CRHR1: variants seen among roughly 807,000 people sequenced by gnomAD.
CRHR1 encodes corticotropin releasing hormone receptor 1, also known as corticotropin-releasing hormone receptor 1.
CRHR1 carries 28 observed loss-of-function variants against 56.0 expected under a neutral mutation model. The observed-to-expected ratio is 0.50, with a 90% CI of 0.37 to 0.69. The LOEUF (loss-of-function observed/expected upper bound fraction) is 0.69. CRHR1 is among the 30% of genes least tolerant of loss of function. The pLI is 0.00. For synonymous variants in CRHR1, 195 were observed against 216.5 expected (o/e 0.90, Z 0.87); for missense variants, 376 against 548.0 (o/e 0.69, Z 3.13).
At chr17:45,829,814 G>A (rs1466994594) in intron 5 of CRHR1, among the ~76,000 whole-genome samples, 3 of 152,064 alleles carry the variant, frequency 2.0e-5, no homozygotes, top group Non-Finnish European at 4.4e-5. Context: ...CAGGGGAAGC[G>A]GGCATCGCCA....
intron 4 of CRHR1, among the ~76,000 whole-genome samples, chr17:45,823,806 T>C (rs898512041): frequency 7.2e-5 from 11 of 152,238 alleles, no homozygotes; most frequent in African/African-American, 2.7e-4. Context: ...ACTGAGCTAA[T>C]GCGGGGCTCT....
At chr17:45,814,737 A>G (rs1223838164) in intron 2 of CRHR1, among the ~76,000 whole-genome samples, 1 of 150,580 alleles carries the variant, frequency 6.6e-6, no homozygotes, top group Non-Finnish European at 1.5e-5. Flanking sequence ...CTGCTTCCTC[A>G]CTCCACTGCT....
chr17:45,791,852 T>TCTCTCTCTCTCA (rs60388646), intron 1 of CRHR1, among the ~76,000 whole-genome samples: 11 of 121,028 alleles, frequency 9.1e-5, no homozygotes, highest in Non-Finnish European at 1.7e-4. Flanking sequence ...TCTCTCTCTC[T>TCTCTCTCTCTCA]CACACACACA....
chr17:45,813,649 G>A (rs1156579681), intron 2 of CRHR1, among the ~76,000 whole-genome samples: 2 of 152,234 alleles, frequency 1.3e-5, no homozygotes, highest in Non-Finnish European at 2.9e-5. Context: ...CAGCTGTGCA[G>A]CTGTGGGCAG....
chr17:45,784,619 G>T lies in CRHR1; in HGVS notation c.33+42G>T, dbSNP rs1568022470. On this transcript the variant is annotated intron_variant, in intron 1 of 12. Transcript: ENST00000314537. This position sits in a 1 kb window ranked among gnomAD's most constrained non-coding sequence, Gnocchi z 4.2. Reference sequence around the variant, plus strand: ...CATCCCTCGAGCGCTGGCGCCCCCGGCCCCTGGCGGACGCGGGACGGGGCT... The same window carrying T: ...CATCCCTCGAGCGCTGGCGCCCCCGTCCCCTGGCGGACGCGGGACGGGGCT... 4 of 1,528,362 alleles carry T rather than the reference G, an allele frequency of 2.6e-6. No homozygotes were observed. The South Asian group carries it at 3.7e-5, about 14-fold the overall frequency. The allele number at this position is 1,528,362 out of a possible 1,614,324, so 94.7% of individuals were successfully genotyped here.
intron 3 of CRHR1, among the ~76,000 whole-genome samples, chr17:45,819,901 C>T (rs1187985654): frequency 6.6e-6 from 1 of 152,226 alleles, no homozygotes; most frequent in Non-Finnish European, 1.5e-5. Flanking sequence ...CCTATCATCA[C>T]CTTCTTGTCC....
chr17:45,833,080 C>T (rs1220743772), intron 8 of CRHR1, 58 bp from the exon 9 acceptor site: 1 of 1,459,638 alleles, frequency 6.9e-7, no homozygotes, highest in Admixed American at 1.7e-5. Context: ...TGTCCCTCCC[C>T]ATGCCATCGA....
chr17:45,825,253 G>A (rs185294906), intron 4 of CRHR1, among the ~76,000 whole-genome samples: 46 of 152,286 alleles, frequency 3.0e-4, no homozygotes, highest in Admixed American at 1.6e-3. Flanking sequence ...AGATCTGCCC[G>A]CAGCCAGCAC....
chr17:45,824,531 T>C (rs1284917465), intron 4 of CRHR1, among the ~76,000 whole-genome samples: 3 of 152,102 alleles, frequency 2.0e-5, no homozygotes, highest in Non-Finnish European at 4.4e-5. Context: ...CTAAGGGCAG[T>C]AGGTTAGCCA....
intron 4 of CRHR1, among the ~76,000 whole-genome samples, chr17:45,822,963 G>A (rs1469434599): frequency 6.6e-6 from 1 of 151,844 alleles, no homozygotes; most frequent in Non-Finnish European, 1.5e-5. Context: ...GGCCAACATG[G>A]TGAAACCTCA....
chr17:45,833,112 C>G, intron 8 of CRHR1, 26 bp from the exon 9 acceptor site: 1 of 1,600,372 alleles, frequency 6.2e-7, no homozygotes, highest in Non-Finnish European at 8.6e-7. Flanking sequence ...ATGACCCTTC[C>G]TCCCCTTTCC....
At chr17:45,787,299 GAGCACCTCGGAGTC>G (rs905901264) in intron 1 of CRHR1, among the ~76,000 whole-genome samples, 8 of 152,106 alleles carry the variant, frequency 5.3e-5, no homozygotes, top group African/African-American at 1.9e-4. Flanking sequence ...GCAGGGGCCT[GAGCACCTCGGAGTC>G]AGCCACACAC....
At chr17:45,785,941 C>T (rs1471362533) in intron 1 of CRHR1, among the ~76,000 whole-genome samples, 3 of 152,024 alleles carry the variant, frequency 2.0e-5, no homozygotes, top group Non-Finnish European at 2.9e-5. Flanking sequence ...TCTGGGCGTT[C>T]GAGGAGACAG....
chr17:45,807,075 G>A lies in CRHR1; in HGVS notation c.99G>A (p.Leu33=), dbSNP rs752569982. Residue 33 remains leucine, a synonymous_variant, in exon 2 of 13, where the codon CTG becomes CTA. Transcript: ENST00000314537. ...TCCAGGACCAGCACTGCGAGAGCCTGTCCCTGGCCAGCAACATCTCAGGTG... is the reference window on the plus strand; with the variant it reads ...TCCAGGACCAGCACTGCGAGAGCCTATCCCTGGCCAGCAACATCTCAGGTG... ...ASLQDQHCES[L]SLASNISGLQ... 1.2e-6 allele frequency: 2 copies of A among 1,614,086 alleles called. No homozygotes were observed. The highest frequency in any genetic ancestry group is 1.1e-5 in the South Asian group (1 of 91,060).
At chr17:45,834,326 G>A (rs1468115099) in intron 12 of CRHR1, among the ~76,000 whole-genome samples, 1 of 152,248 alleles carries the variant, frequency 6.6e-6, no homozygotes, top group Non-Finnish European at 1.5e-5. Context: ...GAAGGGCTGA[G>A]CCCTGGGCAG....
chr17:45,798,780 G>A (rs550809865), intron 1 of CRHR1, among the ~76,000 whole-genome samples: 56 of 152,270 alleles, frequency 3.7e-4, no homozygotes, highest in African/African-American at 1.3e-3. Flanking sequence ...GGGGCCCCAG[G>A]GAGAAAGGCC....
At chr17:45,815,399 C>T (rs1199485466) in intron 2 of CRHR1, among the ~76,000 whole-genome samples, 1 of 152,202 alleles carries the variant, frequency 6.6e-6, no homozygotes, top group Non-Finnish European at 1.5e-5. Context: ...CTCAACTCTG[C>T]CCCAACATCC....
chr17:45,799,246 GA>G (rs2146285792), intron 1 of CRHR1: 1 of 152,376 alleles, frequency 6.6e-6, no homozygotes, highest in East Asian at 1.9e-4. Context: ...TCTGTAGCAA[GA>G]AATTCTGCAG....
chr17:45,833,962 G>A, intron 11 of CRHR1, 45 bp from the exon 12 acceptor site: 1 of 1,613,586 alleles, frequency 6.2e-7, no homozygotes, highest in South Asian at 1.1e-5. Context: ...GGCTGGGTGG[G>A]CAACACCTGC....
Sources: allele counts gnomAD v4.1 joint callset (sites outside exome capture counted in the v4.1 genomes callset), GRCh38; gene constraint gnomAD v4.1.1; non-coding constraint Gnocchi (gnomAD v3.1); transcripts MANE v1.5; gene names NCBI Gene and HGNC (gene_info 2026-07-23, HGNC 2026-07-21).